The following NMNAT3 variants were observed in gnomAD, a reference collection of about 807,000 sequenced individuals.
NMNAT3 encodes nicotinamide/nicotinic acid mononucleotide adenylyltransferase 3.
NMNAT3 carries 21 observed loss-of-function variants against 24.8 expected under a neutral mutation model. That is an observed-to-expected ratio of 0.85 (90% CI 0.60 to 1.22). NMNAT3 has a LOEUF of 1.22. Among genes scored for constraint, NMNAT3 ranks in the 50% most tolerant of loss-of-function variants. The pLI is 0.00. For synonymous variants in NMNAT3, 136 were observed against 155.2 expected (o/e 0.88, Z 0.92); for missense variants, 387 against 436.6 (o/e 0.89, Z 1.01).
intron 2 of NMNAT3, among the ~76,000 whole-genome samples, chr3:139,628,447 A>G (rs2056151353): frequency 6.6e-6 from 1 of 152,216 alleles, no homozygotes; most frequent in South Asian, 2.1e-4. Context: ...TTTTCTCAGA[A>G]TGAATACACT....
At chr3:139,630,235 G>T (rs1253077868) in intron 2 of NMNAT3, among the ~76,000 whole-genome samples, 11 of 152,170 alleles carry the variant, frequency 7.2e-5, no homozygotes, top group Admixed American at 7.2e-4. Flanking sequence ...CCAGAACTAG[G>T]TTACATGGCC....
chr3:139,621,834 T>C (rs1224854237), intron 3 of NMNAT3, among the ~76,000 whole-genome samples: 1 of 152,254 alleles, frequency 6.6e-6, no homozygotes, highest in Non-Finnish European at 1.5e-5. Context: ...ATAAGTGAGA[T>C]CCATCTTTTT....
Position 139,560,841 on chromosome 3 carries a change from A to G in NMNAT3, c.*169T>C, listed in dbSNP as rs1936282143. On this transcript the variant is annotated 3_prime_UTR_variant, in exon 7 of 7. Coordinates refer to ENST00000643695, the MANE Select transcript of NMNAT3 (RefSeq NM_001320510.2). The stretch of plus-strand genomic sequence containing the variant: ...GTGATTTAGACCTTTCCTCTCCTGT[A>G]AAGAAGGTATCTCTTCCTGGGACAG... 1.5e-6 allele frequency: 1 copy of G among 646,062 alleles called. No homozygotes were observed. The highest frequency in any genetic ancestry group is 2.7e-6 in the Non-Finnish European group (1 of 376,162). The allele number at this position is 646,062 out of a possible 1,614,324, so 40.0% of individuals were successfully genotyped here. A position where few individuals can be genotyped will look rare whatever the true frequency, so the allele number is the denominator to read the frequency against.
At chr3:139,612,869 A>T (rs2055295438) in intron 3 of NMNAT3, among the ~76,000 whole-genome samples, 1 of 152,218 alleles carries the variant, frequency 6.6e-6, no homozygotes, top group Non-Finnish European at 1.5e-5. Flanking sequence ...ACCTGACAAA[A>T]ACAAGAAATG....
chr3:139,673,356 T>A (rs530753952), intron 1 of NMNAT3, among the ~76,000 whole-genome samples: 19 of 152,316 alleles, frequency 1.2e-4, no homozygotes, highest in African/African-American at 4.6e-4. Context: ...ATCACAGCAT[T>A]ATTCTCCCAT....
At chr3:139,582,260 A>C (rs1194948547) in intron 4 of NMNAT3, among the ~76,000 whole-genome samples, 2 of 151,902 alleles carry the variant, frequency 1.3e-5, no homozygotes, top group African/African-American at 4.8e-5. Context: ...AGAAGATCTA[A>C]CTTCTTAGTA....
intron 1 of NMNAT3, among the ~76,000 whole-genome samples, chr3:139,659,626 A>T (rs2057352549): frequency 6.6e-6 from 1 of 152,220 alleles, no homozygotes; most frequent in African/African-American, 2.4e-5. Context: ...GAAAAACCTC[A>T]TGAGGCTTGC....
intron 1 of NMNAT3, among the ~76,000 whole-genome samples, chr3:139,670,923 A>G (rs1308922643): frequency 6.6e-6 from 1 of 152,184 alleles, no homozygotes; most frequent in Admixed American, 6.5e-5. Flanking sequence ...GGGTGAACAC[A>G]TCTGCAGGCC....
rs2108253085 is a variant in NMNAT3 at position 139,610,360 on chromosome 3, T to C, written c.109+17256A>G. Among the ~76,000 whole-genome samples the C allele has an allele frequency of 1.3e-5, 2 of 152,310 alleles. 1 individual carries two copies. The highest frequency in any genetic ancestry group is 4.1e-4 in the South Asian group (2 of 4,822). On this transcript the variant is annotated intron_variant, in intron 3 of 6. Coordinates refer to ENST00000643695, the MANE Select transcript of NMNAT3 (RefSeq NM_001320510.2). The stretch of plus-strand genomic sequence containing the variant: ...CATATTAAAAAGAAGGAAAATGCTG[T>C]TTGTTATTAAATCAGGAAAGCATTT...
chr3:139,634,387 C>G (rs892593461), intron 2 of NMNAT3: 3 of 152,196 alleles, frequency 2.0e-5, no homozygotes, highest in Non-Finnish European at 4.4e-5. Flanking sequence ...TTTTATTACA[C>G]AGACCTCTTG....
rs72990655 is a variant in NMNAT3 at position 139,589,067 on chromosome 3, C to T, written c.110-5859G>A. Among the ~76,000 whole-genome samples the T allele has an allele frequency of 4.4e-3, 670 of 152,200 alleles. 7 individuals carry two copies. Among genetic ancestry groups the T allele is most frequent in the African/African-American group, 0.015 (614 of 41,518 alleles). On this transcript the variant is annotated intron_variant, in intron 3 of 6. Coordinates refer to ENST00000643695, the MANE Select transcript of NMNAT3 (RefSeq NM_001320510.2). ...AGACAAATTTTGGAAAGGTGCTCAC[C>T]ATGAAAGACAGAGACTAAAACAGCC...
chr3:139,640,449 G>T (rs1011913755), intron 1 of NMNAT3, among the ~76,000 whole-genome samples: 1 of 152,144 alleles, frequency 6.6e-6, no homozygotes, highest in Non-Finnish European at 1.5e-5. Flanking sequence ...GCCCTAAAAT[G>T]TAATCTAAAA....
At chr3:139,613,255 C>T (rs941942962) in intron 3 of NMNAT3, among the ~76,000 whole-genome samples, 2 of 152,212 alleles carry the variant, frequency 1.3e-5, no homozygotes, top group Middle Eastern at 3.4e-3. Flanking sequence ...GGCTAATACC[C>T]GGAATCTACA....
At chr3:139,634,260 C>T (rs1179886385) in intron 2 of NMNAT3, 1 of 152,182 alleles carries the variant, frequency 6.6e-6, no homozygotes, top group African/African-American at 2.4e-5. Context: ...TTACCTTTCC[C>T]TGCGGTGAGC....
chr3:139,593,541 C>A (rs1328370622), intron 3 of NMNAT3, among the ~76,000 whole-genome samples: 1 of 152,088 alleles, frequency 6.6e-6, no homozygotes, highest in African/African-American at 2.4e-5. Context: ...CCTATTCCAA[C>A]ATTGACCACA....
intron 6 of NMNAT3, among the ~76,000 whole-genome samples, chr3:139,565,043 T>C (rs938911182): frequency 1.3e-5 from 2 of 152,228 alleles, no homozygotes; most frequent in Non-Finnish European, 2.9e-5. Flanking sequence ...ATATGCAGTA[T>C]TGTATCCTGA....
chr3:139,668,109 A>AC (rs1378058335), intron 1 of NMNAT3, among the ~76,000 whole-genome samples: 2 of 152,216 alleles, frequency 1.3e-5, no homozygotes, highest in Non-Finnish European at 2.9e-5. Context: ...GGGATGCCCC[A>AC]CTAAAAATGC....
In NMNAT3 at chr3:139,627,636, C is replaced by A; in HGVS notation, c.89G>T (p.Arg30Ile). The change falls in exon 3 of 7, where the codon AGA becomes ATA. Residue 30 changes from arginine to isoleucine, a missense_variant. Arg to Ile is a moderately conservative substitution (Grantham distance 97). This residue lies in a region of NMNAT3 where 51 missense variants were observed against 55.6 expected (regional missense o/e 0.92). Transcript: ENST00000643695. ...CTGACCTGTTTGGTGTAGGTGATCTCTGGCCACCTCAAACATGCGCAGGTG... is the reference window on the plus strand; with the variant it reads ...CTGACCTGTTTGGTGTAGGTGATCTATGGCCACCTCAAACATGCGCAGGTG... The A allele has an allele frequency of 1.3e-6, 2 of 1,592,158 alleles. No individual in the cohort carries two copies. The highest frequency in any genetic ancestry group is 1.7e-6 in the Non-Finnish European group (2 of 1,176,082).
intron 1 of NMNAT3, among the ~76,000 whole-genome samples, chr3:139,640,373 G>A (rs888634051): frequency 1.4e-4 from 22 of 152,120 alleles, no homozygotes; most frequent in African/African-American, 4.3e-4. Context: ...GAGGAATATA[G>A]GGTGACAGTT....
Sources: allele counts gnomAD v4.1 joint callset (sites outside exome capture counted in the v4.1 genomes callset), GRCh38; gene constraint gnomAD v4.1.1; regional missense constraint gnomAD v4.1.1; transcripts MANE v1.5; gene names NCBI Gene and HGNC (gene_info 2026-07-23, HGNC 2026-07-21).